Variants in INPP4B observed in about 807,000 individuals in gnomAD.
INPP4B encodes inositol polyphosphate 4-phosphatase type II.
INPP4B carries 55 observed loss-of-function variants against 122.5 expected under a neutral mutation model. The ratio of observed to expected loss-of-function variants is 0.45; its 90% CI spans 0.36 to 0.56. The LOEUF (loss-of-function observed/expected upper bound fraction) is 0.56, where lower values mean the gene tolerates loss of function less well. Among genes scored for constraint, INPP4B ranks in the 20% least tolerant of loss-of-function variants. The pLI is 0.00. For synonymous variants in INPP4B, 403 were observed against 388.7 expected (o/e 1.04, Z -0.43); for missense variants, 1,000 against 1,097.7 (o/e 0.91, Z 1.26).
chr4:142,581,088 A>C (rs1046707398), intron 2 of INPP4B, among the ~76,000 whole-genome samples: 4 of 152,068 alleles, frequency 2.6e-5, no homozygotes, highest in Admixed American at 2.6e-4. Context: ...AAAGAGTGCC[A>C]TCTTTTGTCA....
At chr4:142,103,748 A>G (rs1041074762) in intron 23 of INPP4B, among the ~76,000 whole-genome samples, 8 of 152,010 alleles carry the variant, frequency 5.3e-5, no homozygotes, top group African/African-American at 1.7e-4. Flanking sequence ...ACATAATATT[A>G]TCTCCACCAA....
At chr4:142,835,426 T>C (rs1782659744) in intron 1 of INPP4B, among the ~76,000 whole-genome samples, 1 of 152,184 alleles carries the variant, frequency 6.6e-6, no homozygotes, top group South Asian at 2.1e-4. Flanking sequence ...AGAACTATAG[T>C]ATATAGTTAT....
intron 9 of INPP4B, among the ~76,000 whole-genome samples, chr4:142,290,312 T>G (rs556609708): frequency 6.8e-6 from 1 of 146,188 alleles, no homozygotes; most frequent in African/African-American, 2.5e-5. Context: ...GTTCAAGCGA[T>G]TCTCCTGCCT....
At chr4:142,061,885 CATATATAT>C (rs66485353) in intron 25 of INPP4B, among the ~76,000 whole-genome samples, 17 of 139,256 alleles carry the variant, frequency 1.2e-4, no homozygotes, top group African/African-American at 2.7e-4. Flanking sequence ...CACACACACA[CATATATAT>C]ATATATATAT....
intron 2 of INPP4B, among the ~76,000 whole-genome samples, chr4:142,714,223 C>CT (rs1220400165): frequency 1.2e-4 from 19 of 152,224 alleles, no homozygotes; most frequent in Non-Finnish European, 2.4e-4. Flanking sequence ...ATATGTTTTC[C>CT]TATAGGAACA....
At chr4:142,214,248 A>T (rs570100867) in intron 12 of INPP4B, among the ~76,000 whole-genome samples, 1 of 152,140 alleles carries the variant, frequency 6.6e-6, no homozygotes. Flanking sequence ...GCACTAGTAC[A>T]TTCTAGAACT....
chr4:142,162,684 T>C (rs937755986), intron 16 of INPP4B, among the ~76,000 whole-genome samples: 1 of 151,946 alleles, frequency 6.6e-6, no homozygotes, highest in East Asian at 1.9e-4. Context: ...TTCCCTCACA[T>C]GCACATGCAG....
At chr4:142,619,094 T>C (rs1744322928) in intron 2 of INPP4B, among the ~76,000 whole-genome samples, 2 of 151,972 alleles carry the variant, frequency 1.3e-5, no homozygotes, top group African/African-American at 2.4e-5. Context: ...ATAAGAAGTA[T>C]TGGCATAGAT....
At chr4:142,477,418 G>C (rs1329251223) in intron 2 of INPP4B, among the ~76,000 whole-genome samples, 2 of 151,274 alleles carry the variant, frequency 1.3e-5, no homozygotes, top group Admixed American at 6.6e-5. Context: ...CCCAACACTA[G>C]CAAAAGAGAA....
rs112217221 is a variant in INPP4B at position 142,491,834 on chromosome 4, G to A, written c.-190-29108C>T. 7.2e-3 allele frequency among the ~76,000 whole-genome samples: 1,093 copies of A among 152,306 alleles called. 16 individuals carry two copies. The highest frequency in any genetic ancestry group is 0.025 in the African/African-American group (1,035 of 41,562). ...ATGGCTATTGCCAAAAAGGCAAAAG[G>A]TAACAAGTACTGGAGGACAGACCAG... On this transcript the variant is annotated intron_variant, in intron 2 of 25. Coordinates refer to ENST00000262992, the MANE Select transcript of INPP4B (RefSeq NM_001101669.3).
In INPP4B at chr4:142,026,203, T is replaced by C. The variant is rs1489120482; in HGVS notation, c.*2579A>G. Reference sequence around the variant, plus strand: ...TGTGGCTGTGTTTGTTCAAGAGAGATTTAAACACTTTAACATTTGCTCTTT... The same window carrying C: ...TGTGGCTGTGTTTGTTCAAGAGAGACTTAAACACTTTAACATTTGCTCTTT... On this transcript the variant is annotated 3_prime_UTR_variant, in exon 26 of 26. Coordinates refer to ENST00000262992, the MANE Select transcript of INPP4B (RefSeq NM_001101669.3). 6.6e-6 allele frequency: 1 copy of C among 152,140 alleles called. No homozygotes were observed. The highest frequency in any genetic ancestry group is 2.4e-5 in the African/African-American group (1 of 41,452). 9.4% of individuals were successfully genotyped at this position (152,140 alleles called of 1,614,324 possible). A position where few individuals can be genotyped will look rare whatever the true frequency, so the allele number is the denominator to read the frequency against.
intron 10 of INPP4B, among the ~76,000 whole-genome samples, chr4:142,265,077 G>A (rs1434020626): frequency 6.6e-6 from 1 of 151,982 alleles, no homozygotes; most frequent in Non-Finnish European, 1.5e-5. Context: ...CCATCTGCAA[G>A]CCAAGTAAAA....
At chr4:142,812,210 C>A (rs568484609) in intron 1 of INPP4B, among the ~76,000 whole-genome samples, 1 of 152,246 alleles carries the variant, frequency 6.6e-6, no homozygotes, top group South Asian at 2.1e-4. Context: ...TGATATATAT[C>A]TACCAGCATG....
intron 2 of INPP4B, among the ~76,000 whole-genome samples, chr4:142,542,391 T>C (rs4524461): frequency 0.26 from 39,982 of 152,084 alleles, 6,463 homozygotes; most frequent in East Asian, 0.8. Context: ...CATTCTTCCC[T>C]GTTATAGGAA....
At chr4:142,252,341 A>C (rs890219755) in intron 11 of INPP4B, among the ~76,000 whole-genome samples, 3 of 151,390 alleles carry the variant, frequency 2.0e-5, no homozygotes, top group Non-Finnish European at 2.9e-5. Flanking sequence ...GGCGCCCGCT[A>C]CCACGCCCGG....
intron 2 of INPP4B, among the ~76,000 whole-genome samples, chr4:142,701,823 T>C (rs1400251733): frequency 6.6e-6 from 1 of 152,174 alleles, no homozygotes; most frequent in Non-Finnish European, 1.5e-5. Flanking sequence ...GTAGGTTGAC[T>C]ACACAGGTGA....
At chr4:142,655,653 T>C (rs1056295905) in intron 2 of INPP4B, among the ~76,000 whole-genome samples, 2 of 152,180 alleles carry the variant, frequency 1.3e-5, no homozygotes, top group African/African-American at 4.8e-5. Flanking sequence ...AATGGCATAA[T>C]TATCTGAGTA....
intron 3 of INPP4B, among the ~76,000 whole-genome samples, chr4:142,450,036 C>T (rs1012083370): frequency 6.6e-6 from 1 of 152,172 alleles, no homozygotes; most frequent in Admixed American, 6.5e-5. Context: ...CTCACATTCC[C>T]TCTCATCCTC....
chr4:142,773,192 G>T (rs747696259), intron 1 of INPP4B, among the ~76,000 whole-genome samples: 2 of 152,098 alleles, frequency 1.3e-5, no homozygotes, highest in African/African-American at 4.8e-5. Flanking sequence ...CTAGACTAGA[G>T]ATAAGGAAGA....
Sources: allele counts gnomAD v4.1 joint callset (sites outside exome capture counted in the v4.1 genomes callset), GRCh38; gene constraint gnomAD v4.1.1; transcripts MANE v1.5; gene names NCBI Gene and HGNC (gene_info 2026-07-23, HGNC 2026-07-21).